Variants in RBFOX1 observed in about 807,000 individuals in gnomAD.
RBFOX1 encodes RNA binding protein fox-1 homolog 1.
A neutral mutation model predicts 57.7 loss-of-function variants in RBFOX1; 8 were observed. The ratio of observed to expected loss-of-function variants is 0.14; its 90% confidence interval spans 0.08 to 0.25. The LOEUF is 0.25. Ranked by LOEUF, RBFOX1 falls within the 10% of genes least tolerant of loss-of-function variation. The pLI, the probability that RBFOX1 is intolerant of heterozygous loss-of-function variation, is 1.00. For missense variants in RBFOX1, 611 were observed against 548.5 expected (o/e 1.11, Z -1.14); for synonymous variants, 326 against 222.4 (o/e 1.47, Z -4.15).
intron 2 of RBFOX1, among the ~76,000 whole-genome samples, chr16:6,424,423 C>T (rs765627559): frequency 6.6e-6 from 1 of 152,104 alleles, no homozygotes; most frequent in African/African-American, 2.4e-5. Context: ...GCAGTAATCC[C>T]GTGTCCCCTG....
chr16:6,484,551 T>A (rs528585815), intron 2 of RBFOX1, among the ~76,000 whole-genome samples: 14 of 152,204 alleles, frequency 9.2e-5, no homozygotes, highest in Non-Finnish European at 1.8e-4. Flanking sequence ...TATGCATTTA[T>A]AGAATATATT....
intron 3 of RBFOX1, among the ~76,000 whole-genome samples, chr16:7,031,002 A>G (rs574962329): frequency 6.6e-4 from 100 of 152,338 alleles, no homozygotes; most frequent in African/African-American, 2.3e-3. Flanking sequence ...TCCTGCAGAA[A>G]GAGGACCTTT....
chr16:6,069,153 C>G (rs1596963103), intron 1 of RBFOX1, among the ~76,000 whole-genome samples: 2 of 152,226 alleles, frequency 1.3e-5, no homozygotes, highest in Non-Finnish European at 1.5e-5. Flanking sequence ...AATCCCAGCA[C>G]TTTGGGAGGC....
At chr16:6,135,491 A>C (rs902357084) in intron 1 of RBFOX1, among the ~76,000 whole-genome samples, 13 of 152,138 alleles carry the variant, frequency 8.5e-5, no homozygotes, top group African/African-American at 3.1e-4. Context: ...CATCATTTTG[A>C]GGCAAATTGG....
intron 3 of RBFOX1, among the ~76,000 whole-genome samples, chr16:5,755,214 C>A (rs965069566): frequency 7.4e-6 from 1 of 135,938 alleles, no homozygotes; most frequent in African/African-American, 2.8e-5. Context: ...TCAGAGAGCA[C>A]GGGGTTGGGG....
intron 3 of RBFOX1, among the ~76,000 whole-genome samples, chr16:6,932,550 G>A (rs996774349): frequency 6.6e-6 from 1 of 152,202 alleles, no homozygotes; most frequent in African/African-American, 2.4e-5. Context: ...CACCTATATG[G>A]TAGGTGAGTT....
At chr16:6,139,511 C>T (rs1230044696) in intron 1 of RBFOX1, among the ~76,000 whole-genome samples, 1 of 152,120 alleles carries the variant, frequency 6.6e-6, no homozygotes, top group Non-Finnish European at 1.5e-5. Flanking sequence ...ATTTAAGATA[C>T]TATTACCCTG....
At chr16:6,791,040 G>C (rs79839865) in intron 3 of RBFOX1, among the ~76,000 whole-genome samples, 2 of 151,920 alleles carry the variant, frequency 1.3e-5, no homozygotes, top group African/African-American at 4.8e-5. Flanking sequence ...TGAGCAGATG[G>C]GACCACAGGC....
chr16:6,646,500 C>G (rs1485479332), intron 2 of RBFOX1, among the ~76,000 whole-genome samples: 1 of 151,834 alleles, frequency 6.6e-6, no homozygotes. Context: ...AGATTAAGAG[C>G]AAAAATCTGC....
Position 6,922,337 on chromosome 16 carries a change from A to T in RBFOX1, c.-15-129720A>T, listed in dbSNP as rs1105006. ...GTTCCGAGTGTCCGGTGGTAATGGC[A>T]AGTTTCGCATGCTGCAGCCCCTTGC... On this transcript the variant is annotated intron_variant, in intron 3 of 15. Coordinates refer to ENST00000550418, the MANE Select transcript of RBFOX1 (RefSeq NM_018723.4). Among the ~76,000 whole-genome samples the T allele has an allele frequency of 4.7e-3, 713 of 152,244 alleles. 4 individuals carry two copies. Among genetic ancestry groups the T allele is most frequent in the Middle Eastern group, 0.014 (4 of 294 alleles).
At chr16:7,234,986 C>G (rs576619486) in intron 4 of RBFOX1, among the ~76,000 whole-genome samples, 18 of 152,038 alleles carry the variant, frequency 1.2e-4, no homozygotes, top group Non-Finnish European at 1.8e-4. Context: ...TCTACCTCTG[C>G]AGTCCAAAAA....
intron 2 of RBFOX1, among the ~76,000 whole-genome samples, chr16:6,575,970 G>C (rs934118261): frequency 1.3e-5 from 2 of 152,056 alleles, no homozygotes; most frequent in South Asian, 2.1e-4. Flanking sequence ...GGCATGGTGC[G>C]TTACATCAAA....
chr16:7,285,066 G>T lies in RBFOX1; in HGVS notation c.27+232968G>T, dbSNP rs889791873. Among the ~76,000 whole-genome samples the T allele has an allele frequency of 8.0e-5, 9 of 112,442 alleles. No homozygotes were observed. The East Asian group carries it at 2.0e-3, about 24-fold the overall frequency. 73.8% of individuals were successfully genotyped at this position (112,442 alleles called of 152,430 possible). ...TCAATCCAGCCCTTTGCTATCTATA[G>T]ATTCCTTACTTTTTTTTTTTTTTTT... On this transcript the variant is annotated intron_variant, in intron 4 of 15. Transcript: ENST00000550418.
chr16:5,373,932 T>A (rs2065921667), intron 1 of RBFOX1, among the ~76,000 whole-genome samples: 1 of 152,066 alleles, frequency 6.6e-6, no homozygotes, highest in Non-Finnish European at 1.5e-5. Flanking sequence ...TGTTACCCAG[T>A]TTGAGATGGA....
chr16:5,314,522 A>G (rs1268652280), intron 1 of RBFOX1, among the ~76,000 whole-genome samples: 2 of 152,136 alleles, frequency 1.3e-5, no homozygotes, highest in East Asian at 3.9e-4. Flanking sequence ...CTTTTTTGAG[A>G]CTGGATCTCA....
At chr16:7,480,217 CT>C (rs1439647587) in intron 4 of RBFOX1, among the ~76,000 whole-genome samples, 1 of 152,164 alleles carries the variant, frequency 6.6e-6, no homozygotes, top group East Asian at 1.9e-4. Flanking sequence ...TCGTCTTTTT[CT>C]GCCTGCAGCA....
At chr16:5,509,784 C>G (rs2043515432) in intron 2 of RBFOX1, among the ~76,000 whole-genome samples, 1 of 152,066 alleles carries the variant, frequency 6.6e-6, no homozygotes, top group Non-Finnish European at 1.5e-5. Flanking sequence ...GTGGATGGAC[C>G]CAGGAGGTAC....
chr16:6,681,292 T>G (rs984749298), intron 3 of RBFOX1, among the ~76,000 whole-genome samples: 1 of 152,128 alleles, frequency 6.6e-6, no homozygotes, highest in Admixed American at 6.5e-5. Flanking sequence ...CACTCCAGTT[T>G]AGGTGACAGA....
At chr16:7,397,316 T>A (rs960077444) in intron 4 of RBFOX1, among the ~76,000 whole-genome samples, 3 of 152,208 alleles carry the variant, frequency 2.0e-5, no homozygotes, top group African/African-American at 7.2e-5. Context: ...ATATTTAACA[T>A]GCTATTCACT....
Sources: gnomAD v4.1 joint callset for allele counts (sites outside exome capture counted in the v4.1 genomes callset) on GRCh38, gnomAD v4.1.1 for gene constraint, MANE v1.5 for transcripts, NCBI Gene and HGNC (gene_info 2026-07-23, HGNC 2026-07-21) for gene names.